CPA5: variants seen among roughly 807,000 people sequenced by gnomAD.
CPA5 encodes testicular tissue protein Li 32.
CPA5 carries 38 observed loss-of-function variants against 52.2 expected under a neutral mutation model. The observed-to-expected ratio is 0.73, with a 90% CI of 0.56 to 0.95. CPA5 has a LOEUF of 0.95. CPA5 is among the 40% of genes least tolerant of loss of function. The pLI is 0.00. For synonymous variants in CPA5, 198 were observed against 213.7 expected (o/e 0.93, Z 0.64); for missense variants, 519 against 566.7 (o/e 0.92, Z 0.86).
intron 6 of CPA5, among the ~76,000 whole-genome samples, chr7:130,360,177 C>T (rs912885455): frequency 1.3e-5 from 2 of 152,258 alleles, no homozygotes. Flanking sequence ...TTGTCCTTGA[C>T]TGTGAAGCCA....
intron 9 of CPA5, 33 bp from the exon 10 acceptor site, chr7:130,363,386 G>C: frequency 1.3e-6 from 2 of 1,541,138 alleles, no homozygotes; most frequent in African/African-American, 2.7e-5. Flanking sequence ...AATGGGCCCA[G>C]TGAATGAGGT....
chr7:130,347,899 C>T (rs1794870259), intron 4 of CPA5, 52 bp downstream of exon 4: 1 of 1,422,242 alleles, frequency 7.0e-7, no homozygotes, highest in Non-Finnish European at 9.9e-7. Context: ...CAGTGGCTCA[C>T]ACATTTAGCT....
chr7:130,361,745 T>G (rs781312171), intron 7 of CPA5, among the ~76,000 whole-genome samples: 1 of 152,108 alleles, frequency 6.6e-6, no homozygotes. Flanking sequence ...CCTTGGGTCA[T>G]GAAGGAAGTA....
chr7:130,366,121 A>G (rs1796069705), intron 10 of CPA5, among the ~76,000 whole-genome samples: 1 of 152,174 alleles, frequency 6.6e-6, no homozygotes, highest in Non-Finnish European at 1.5e-5. Context: ...ATGGCTGTGT[A>G]ATGAGTAACC....
rs578247226 is a variant in CPA5 at position 130,366,500 on chromosome 7, G to A, written c.839-872G>A. On this transcript the variant is annotated intron_variant, in intron 10 of 12. Transcript: ENST00000474905. ...GGGGCGAAGGCAAAGAGTCCAGGGGGAAATGGAAACAAATGAAACTTGGGA... is the reference window on the plus strand; with the variant it reads ...GGGGCGAAGGCAAAGAGTCCAGGGGAAAATGGAAACAAATGAAACTTGGGA... 2.0e-5 allele frequency among the ~76,000 whole-genome samples: 3 copies of A among 152,292 alleles called. No homozygotes were observed. In the East Asian group the frequency reaches 5.8e-4, roughly 29 times the overall value.
chr7:130,356,098 A>G (rs1554405131), intron 5 of CPA5, among the ~76,000 whole-genome samples: 3 of 152,140 alleles, frequency 2.0e-5, no homozygotes, highest in Admixed American at 6.5e-5. Flanking sequence ...ACGTGGGAGG[A>G]GAGGCAGCGG....
chr7:130,368,635 C>G lies in CPA5; in HGVS notation c.*38C>G. Reference sequence around the variant, plus strand: ...GGGCAGGAGGCTCCATCCTTCTCCCCAAGGTCTGTGGCTCCTCCCGAAACC... The same window carrying G: ...GGGCAGGAGGCTCCATCCTTCTCCCGAAGGTCTGTGGCTCCTCCCGAAACC... On this transcript the variant is annotated 3_prime_UTR_variant, in exon 13 of 13. Transcript: ENST00000474905. The G allele has an allele frequency of 6.2e-7, 1 of 1,608,624 alleles. No homozygotes were observed. Among genetic ancestry groups the G allele is most frequent in the East Asian group, 2.2e-5 (1 of 44,842 alleles).
At chr7:130,360,329 G>A (rs781817370) in intron 6 of CPA5, among the ~76,000 whole-genome samples, 1 of 152,266 alleles carries the variant, frequency 6.6e-6, no homozygotes, top group Non-Finnish European at 1.5e-5. Context: ...ATGAGGGGCA[G>A]GAAGCCAGGC....
intron 10 of CPA5, 23 bp downstream of exon 10, chr7:130,363,532 G>A: frequency 1.3e-6 from 2 of 1,558,658 alleles, no homozygotes; most frequent in Admixed American, 1.9e-5. Flanking sequence ...GCTGTCCTGG[G>A]GCAGGGTTGG....
chr7:130,347,541 G>C (rs548239528), intron 3 of CPA5, among the ~76,000 whole-genome samples: 55 of 152,158 alleles, frequency 3.6e-4, no homozygotes, highest in Non-Finnish European at 6.3e-4. Flanking sequence ...CTGTCCTTGG[G>C]GCTGGAGAGC....
At chr7:130,346,315 G>A (rs11761867) in intron 2 of CPA5, 78 bp from the exon 3 acceptor site, 288,231 of 497,392 alleles carry the variant, frequency 0.58, 84,729 homozygotes, top group African/African-American at 0.64. Context: ...TTGGGGAGGG[G>A]CAGCCCTAGC....
intron 4 of CPA5, among the ~76,000 whole-genome samples, chr7:130,348,955 G>A (rs1342131825): frequency 6.6e-6 from 1 of 152,132 alleles, no homozygotes; most frequent in Non-Finnish European, 1.5e-5. Context: ...ACTCCCCTCC[G>A]CGAGTCACTT....
chr7:130,362,955 C>T lies in CPA5; in HGVS notation c.708C>T (p.Leu236=), dbSNP rs374574488. The T allele has an allele frequency of 4.2e-5, 68 of 1,613,552 alleles. No individual in the cohort carries two copies. Among genetic ancestry groups the T allele is most frequent in the African/African-American group, 1.3e-4 (10 of 74,992 alleles). ...ATGCCATGGACATCTTCATAGAGCT[C>T]GTCACAAACCCTGATGGGTTTGCTT... is the stretch of plus-strand genomic sequence containing the variant. ...ILNAMDIFIE[L]VTNPDGFAFT... Residue 236 remains leucine (L), a synonymous_variant, in exon 9 of 13, where the codon CTC becomes CTT. Transcript: ENST00000474905.
chr7:130,356,418 C>A (rs537762271), intron 5 of CPA5, among the ~76,000 whole-genome samples: 3 of 152,314 alleles, frequency 2.0e-5, no homozygotes, highest in South Asian at 2.1e-4. Flanking sequence ...TCCTGAGAAG[C>A]CTGACAGGGC....
At position 130,352,944 on chromosome 7, in the gene CPA5, T is replaced by C. The variant is rs60501567; in HGVS notation, c.333+2835T>C. Among the ~76,000 whole-genome samples, 1,296 of 152,128 alleles carry C rather than the reference T, an allele frequency of 8.5e-3. 17 individuals carry two copies. Among genetic ancestry groups the C allele is most frequent in the African/African-American group, 0.028 (1,165 of 41,470 alleles). On this transcript the variant is annotated intron_variant, in intron 5 of 12. Transcript: ENST00000474905. ...GCTTTTTTTCTGATTACAAAATTAATAAATATTCATGTTAGATAATTTGGA... is the reference window on the plus strand; with the variant it reads ...GCTTTTTTTCTGATTACAAAATTAACAAATATTCATGTTAGATAATTTGGA...
downstream of CPA5, chr7:130,368,862 A>C: frequency 2.1e-6 from 1 of 469,656 alleles, no homozygotes; most frequent in South Asian, 3.3e-5. Context: ...TACCTTCAGG[A>C]AAATAAGGGG....
intron 11 of CPA5, 163 bp downstream of exon 11, chr7:130,367,734 G>C: frequency 1.2e-6 from 1 of 846,844 alleles, no homozygotes; most frequent in Non-Finnish European, 1.9e-6. Flanking sequence ...CTGTTCTCAC[G>C]TGTGATCAAG....
At chr7:130,347,361 C>T (rs922843913) in intron 3 of CPA5, among the ~76,000 whole-genome samples, 1 of 152,216 alleles carries the variant, frequency 6.6e-6, no homozygotes, top group East Asian at 1.9e-4. Context: ...CGCGAAGAGC[C>T]CTTGGGGCCA....
In CPA5 at chr7:130,356,409, C is replaced by T. The variant is rs1383848106; in HGVS notation, c.334-3180C>T. 5.3e-5 allele frequency among the ~76,000 whole-genome samples: 8 copies of T among 152,306 alleles called. No homozygotes were observed. The South Asian group carries it at 1.2e-3, about 24-fold the overall frequency. Reference sequence around the variant, plus strand: ...TGGTTTCTTTGTTTTGTTGTTTTTTCCTGAGAAGCCTGACAGGGCTGTCAT... The same window carrying T: ...TGGTTTCTTTGTTTTGTTGTTTTTTTCTGAGAAGCCTGACAGGGCTGTCAT... On this transcript the variant is annotated intron_variant, in intron 5 of 12. Coordinates refer to ENST00000474905, the MANE Select transcript of CPA5 (RefSeq NM_080385.5).
Sources: allele counts gnomAD v4.1 joint callset (sites outside exome capture counted in the v4.1 genomes callset), GRCh38; gene constraint gnomAD v4.1.1; transcripts MANE v1.5; gene names NCBI Gene and HGNC (gene_info 2026-07-23, HGNC 2026-07-21).